The following SH2B3 variants were observed in gnomAD, a reference collection of about 807,000 sequenced individuals.
The protein encoded by SH2B3 is SH2B adaptor protein 3.
SH2B3 carries 43 observed loss-of-function variants against 51.9 expected under a neutral mutation model. The observed-to-expected ratio is 0.83, with a 90% confidence interval of 0.65 to 1.07. The LOEUF (loss-of-function observed/expected upper bound fraction) is 1.07. Ranked by LOEUF, SH2B3 falls within the 50% of genes least tolerant of loss-of-function variation. SH2B3 has a pLI of 0.00. For missense variants in SH2B3, 952 were observed against 834.3 expected (o/e 1.14, Z -1.74); for synonymous variants, 396 against 376.0 (o/e 1.05, Z -0.62).
chr12:111,442,530 T>A lies in SH2B3; in HGVS notation c.733-4223T>A, dbSNP rs977818178. On this transcript the variant is annotated intron_variant, in intron 2 of 7. Coordinates refer to ENST00000341259, the MANE Select transcript of SH2B3 (RefSeq NM_005475.3). Reference sequence around the variant, plus strand: ...AGGTAAGACCACCAGGGAGCTAGTGTGGCCTGGGGGTTCCCGGGGGTGGGC... The same window carrying A: ...AGGTAAGACCACCAGGGAGCTAGTGAGGCCTGGGGGTTCCCGGGGGTGGGC... Among the ~76,000 whole-genome samples, 5 of 152,270 alleles carry A rather than the reference T, an allele frequency of 3.3e-5. No homozygotes were observed. The East Asian group carries it at 9.6e-4, about 29-fold the overall frequency.
At chr12:111,413,338 A>C (rs1725220283) in intron 1 of SH2B3, among the ~76,000 whole-genome samples, 1 of 152,236 alleles carries the variant, frequency 6.6e-6, no homozygotes, top group Non-Finnish European at 1.5e-5. Flanking sequence ...AGTTCGAGGC[A>C]GCAGTGAGCT....
intron 2 of SH2B3, among the ~76,000 whole-genome samples, chr12:111,441,992 T>C (rs1009899938): frequency 6.6e-6 from 1 of 152,092 alleles, no homozygotes; most frequent in African/African-American, 2.4e-5. Context: ...AGTACAGTGG[T>C]GTGATCTCAG....
In SH2B3 at chr12:111,429,048, A is replaced by AGAG. The variant is rs1233507017; in HGVS notation, c.732+10191_732+10193dup. Among the ~76,000 whole-genome samples, 47 of 125,124 alleles carry AGAG rather than the reference A, an allele frequency of 3.8e-4. No homozygotes were observed. Among genetic ancestry groups the AGAG allele is most frequent in the Admixed American group, 6.4e-4 (8 of 12,580 alleles). 82.1% of individuals were successfully genotyped at this position (125,124 alleles called of 152,430 possible). ...AGGAGGAGGAGGAGGAGGAGGAGGA[A>AGAG]GAGGAGGAGGAGGAGGAGGAGGGAC... On this transcript the variant is annotated intron_variant, in intron 2 of 7. Coordinates refer to ENST00000341259, the MANE Select transcript of SH2B3 (RefSeq NM_005475.3). This position sits in a 1 kb window ranked among gnomAD's most constrained non-coding sequence, Gnocchi z 4.4.
At position 111,447,841 on chromosome 12, in the gene SH2B3, G is replaced by A. The variant is rs774265976; in HGVS notation, c.1408+14G>A. 2 of 1,609,596 alleles carry A rather than the reference G, an allele frequency of 1.2e-6. No individual in the cohort carries two copies. The highest frequency in any genetic ancestry group is 1.7e-6 in the Non-Finnish European group (2 of 1,176,536). On this transcript the variant is annotated intron_variant, in intron 7 of 7. Coordinates refer to ENST00000341259, the MANE Select transcript of SH2B3 (RefSeq NM_005475.3). ...CCCAACCACCAGGTCTGACCCTACT[G>A]CCCTTTGCTGAAGGGGGTGGCTGAC...
In SH2B3 at chr12:111,418,242, C is replaced by A. The variant is rs761842617; in HGVS notation, c.97C>A (p.His33Asn). The A allele has an allele frequency of 6.4e-7, 1 of 1,555,474 alleles. No individual in the cohort carries two copies. Among genetic ancestry groups the A allele is most frequent in the South Asian group, 1.2e-5 (1 of 86,554 alleles). ...GGGCTGGAGCGAGTTCTGTGAGTTG[C>A]ACGCCGTAGCGGCGGCCCGGGAGCT... ...PRGWSEFCEL[H>N]AVAAARELAR... The change falls in exon 2 of 8, where the codon CAC (histidine) becomes AAC (asparagine). Residue 33 changes from histidine (H) to asparagine (N), a missense_variant. By Grantham distance (68) the His-to-Asn change is moderately conservative. Coordinates refer to ENST00000341259, the MANE Select transcript of SH2B3 (RefSeq NM_005475.3). The surrounding 1 kb of genome is among the most constrained non-coding windows in gnomAD (Gnocchi z 6.7).
At chr12:111,413,910 C>A (rs1045950800) in intron 1 of SH2B3, among the ~76,000 whole-genome samples, 1 of 152,224 alleles carries the variant, frequency 6.6e-6, no homozygotes, top group African/African-American at 2.4e-5. Context: ...AGAGGCTTCT[C>A]TTATGTGCAA....
intron 2 of SH2B3, among the ~76,000 whole-genome samples, chr12:111,421,451 C>T (rs1458269203): frequency 6.9e-6 from 1 of 145,692 alleles, no homozygotes; most frequent in Non-Finnish European, 1.5e-5. Context: ...GCTCTGTCAC[C>T]CAGCTGGAGT....
rs1207093622 is a variant in SH2B3, at chr12:111,418,947, G to C, written c.732+70G>C. 4 of 1,311,244 alleles carry C rather than the reference G, an allele frequency of 3.1e-6. No homozygotes were observed. Among genetic ancestry groups the C allele is most frequent in the Non-Finnish European group, 3.9e-6 (4 of 1,025,378 alleles). The allele number at this position is 1,311,244 out of a possible 1,614,324, so 81.2% of individuals were successfully genotyped here. A position where few individuals can be genotyped will look rare whatever the true frequency, so the allele number is the denominator to read the frequency against. On this transcript the variant is annotated intron_variant, in intron 2 of 7. Coordinates refer to ENST00000341259, the MANE Select transcript of SH2B3 (RefSeq NM_005475.3). The surrounding 1 kb of genome is among the most constrained non-coding windows in gnomAD (Gnocchi z 6.7). ...TCGCCTTCACCCTGGGGAGAGCGCGGGCTGGGGAGGTGTGATGGCTTTCCA... is the reference window on the plus strand; with the variant it reads ...TCGCCTTCACCCTGGGGAGAGCGCGCGCTGGGGAGGTGTGATGGCTTTCCA...
At chr12:111,432,960 T>C (rs1308606837) in intron 2 of SH2B3, among the ~76,000 whole-genome samples, 1 of 152,282 alleles carries the variant, frequency 6.6e-6, no homozygotes, top group Non-Finnish European at 1.5e-5. Flanking sequence ...AATGCTGCTA[T>C]GAACATTCGT....
intron 1 of SH2B3, among the ~76,000 whole-genome samples, chr12:111,411,203 CAAA>C: frequency 1.0e-5 from 1 of 99,560 alleles, no homozygotes; most frequent in South Asian, 3.5e-4. Context: ...CTGTCTCTAC[CAAA>C]AAAAAAAAAA....
rs1165979177 is a variant in SH2B3 at position 111,435,148 on chromosome 12, A to G, written c.733-11605A>G. 7 of 808,532 alleles carry G rather than the reference A, an allele frequency of 8.7e-6. No homozygotes were observed. The East Asian group carries it at 1.9e-4, about 22-fold the overall frequency. The allele number at this position is 808,532 out of a possible 1,614,324, so 50.1% of individuals were successfully genotyped here. A position where few individuals can be genotyped will look rare whatever the true frequency, so the allele number is the denominator to read the frequency against. On this transcript the variant is annotated intron_variant, in intron 2 of 7. Transcript: ENST00000341259. This position sits in a 1 kb window ranked among gnomAD's most constrained non-coding sequence, Gnocchi z 4.8. ...AGAGGTTTTTTGTTGTTTCTTAACC[A>G]CATCTTTTTCCACCCACACCCGGTG...
rs1176798087 is a variant in SH2B3 at position 111,448,827 on chromosome 12, GCT to G, written c.*528_*529del. On this transcript the variant is annotated 3_prime_UTR_variant, in exon 8 of 8. Transcript: ENST00000341259. ...TTCTACTCTCAGCTTTAGGACAAAA[GCT>G]CTGTCAGAGGCACAAGCTGAAGGTC... 6.5e-6 allele frequency: 1 copy of G among 154,030 alleles called. No homozygotes were observed. The highest frequency in any genetic ancestry group is 2.4e-5 in the African/African-American group (1 of 41,446). The allele number at this position is 154,030 out of a possible 1,614,324, so 9.5% of individuals were successfully genotyped here. A position where few individuals can be genotyped will look rare whatever the true frequency, so the allele number is the denominator to read the frequency against.
upstream of SH2B3, among the ~76,000 whole-genome samples, chr12:111,405,575 T>G (rs955182976): frequency 1.1e-4 from 16 of 151,086 alleles, no homozygotes; most frequent in Non-Finnish European, 1.9e-4. The surrounding 1 kb of genome is among the most constrained non-coding windows in gnomAD (Gnocchi z 5.4). Flanking sequence ...CCTGGTGACC[T>G]GCCGGCGTTG....
intron 2 of SH2B3, among the ~76,000 whole-genome samples, chr12:111,430,881 G>C (rs1191068462): frequency 1.3e-5 from 2 of 152,072 alleles, no homozygotes; most frequent in African/African-American, 4.8e-5. Flanking sequence ...GTCCCTCCCC[G>C]GGATGGGCAG....
intron 2 of SH2B3, among the ~76,000 whole-genome samples, chr12:111,420,651 T>G (rs1871470530): frequency 6.6e-6 from 1 of 152,222 alleles, no homozygotes; most frequent in Non-Finnish European, 1.5e-5. Flanking sequence ...CTTTCATTCA[T>G]TCGACAGATA....
At chr12:111,425,181 C>A (rs955440575) in intron 2 of SH2B3, among the ~76,000 whole-genome samples, 8 of 152,102 alleles carry the variant, frequency 5.3e-5, no homozygotes, top group African/African-American at 1.9e-4. Flanking sequence ...TCCAGGGGCA[C>A]TATGAGGGCT....
rs1296085984 is a variant in SH2B3, at chr12:111,418,400, G to A, written c.255G>A (p.Pro85=). 3 of 1,493,714 alleles carry A rather than the reference G, an allele frequency of 2.0e-6. No individual in the cohort carries two copies. Among genetic ancestry groups the A allele is most frequent in the South Asian group, 1.2e-5 (1 of 80,534 alleles). 92.5% of individuals were successfully genotyped at this position (1,493,714 alleles called of 1,614,324 possible). Residue 85 remains proline, a synonymous_variant, in exon 2 of 8, where the codon CCG becomes CCA. Coordinates refer to ENST00000341259, the MANE Select transcript of SH2B3 (RefSeq NM_005475.3). This position sits in a 1 kb window ranked among gnomAD's most constrained non-coding sequence, Gnocchi z 6.7. The stretch of plus-strand genomic sequence containing the variant: ...GCGAGGTGCGCGACGGACGGGCGCC[G>A]GGCCGCGACTACCGGGACACAGGCC... ...FCREVRDGRA[P]GRDYRDTGRG...
At chr12:111,440,321 T>C (rs1873289188) in intron 2 of SH2B3, among the ~76,000 whole-genome samples, 1 of 152,194 alleles carries the variant, frequency 6.6e-6, no homozygotes, top group Non-Finnish European at 1.5e-5. Flanking sequence ...TGGTGAGGCT[T>C]CTCCTTCATA....
At chr12:111,405,862 C>CCCGCCCCTGTCGCGGCCGG (rs1399916704), upstream of SH2B3, 2 of 152,056 alleles carry the variant, frequency 1.3e-5, no homozygotes, top group African/African-American at 4.8e-5. This position sits in a 1 kb window ranked among gnomAD's most constrained non-coding sequence, Gnocchi z 5.4. Context: ...CCGCCCCTGC[C>CCCGCCCCTGTCGCGGCCGG]CCGCCCCTGT....
Sources: allele counts gnomAD v4.1 joint callset (sites outside exome capture counted in the v4.1 genomes callset), GRCh38; gene constraint gnomAD v4.1.1; non-coding constraint Gnocchi (gnomAD v3.1); transcripts MANE v1.5; gene names NCBI Gene and HGNC (gene_info 2026-07-23, HGNC 2026-07-21).